Variants in EYA2 observed in about 807,000 individuals in gnomAD.
The protein encoded by EYA2 is EYA transcriptional coactivator and phosphatase 2.
Under a neutral mutation model 69.2 loss-of-function variants are expected in EYA2, and 31 were observed. The observed-to-expected ratio is 0.45, with a 90% confidence interval of 0.34 to 0.60. The LOEUF (loss-of-function observed/expected upper bound fraction) is 0.60, where lower values mean the gene tolerates loss of function less well. Among genes scored for constraint, EYA2 ranks in the 20% least tolerant of loss-of-function variants. The pLI is 0.02. For synonymous variants in EYA2, 257 were observed against 279.4 expected (o/e 0.92, Z 0.80); for missense variants, 622 against 701.2 (o/e 0.89, Z 1.28).
intron 7 of EYA2, 76 bp from the exon 8 acceptor site, chr20:47,089,163 T>C: frequency 6.4e-7 from 1 of 1,554,058 alleles, no homozygotes; most frequent in Non-Finnish European, 8.8e-7. Context: ...AGCTAGACGG[T>C]GCTGTTGGGA....
At chr20:47,004,905 T>G in intron 3 of EYA2, 37 bp from the exon 4 acceptor site, 1 of 1,614,076 alleles carries the variant, frequency 6.2e-7, no homozygotes, top group Middle Eastern at 1.7e-4. Context: ...GGTGCCAGAC[T>G]GGGCCTGGAG....
chr20:47,075,586 G>T (rs573011424), intron 7 of EYA2, among the ~76,000 whole-genome samples: 31 of 152,246 alleles, frequency 2.0e-4, no homozygotes, highest in African/African-American at 7.0e-4. Context: ...AGAACAGAAG[G>T]GCAGAGGCTT....
intron 9 of EYA2, among the ~76,000 whole-genome samples, chr20:47,140,171 G>A (rs1313259383): frequency 6.6e-6 from 1 of 152,152 alleles, no homozygotes; most frequent in Admixed American, 6.5e-5. Context: ...ATTGTGCAGA[G>A]GTGAAATGCT....
At chr20:46,898,916 A>G (rs73301796) in intron 1 of EYA2, among the ~76,000 whole-genome samples, 7,794 of 152,234 alleles carry the variant, frequency 0.051, 460 homozygotes, top group African/African-American at 0.14. Context: ...TTTTCATCCT[A>G]TTGAGTTCCT....
chr20:46,974,956 C>G (rs145930324), intron 1 of EYA2, among the ~76,000 whole-genome samples: 297 of 152,254 alleles, frequency 2.0e-3, no homozygotes, highest in African/African-American at 6.9e-3. Context: ...GACATCTGAA[C>G]TTGCATCATG....
intron 14 of EYA2, among the ~76,000 whole-genome samples, chr20:47,182,600 GCCTGGGCA>G (rs2034558230): frequency 7.6e-6 from 1 of 132,236 alleles, no homozygotes. Flanking sequence ...TTGCACTCCA[GCCTGGGCA>G]ACAAGAACGA....
intron 7 of EYA2, among the ~76,000 whole-genome samples, chr20:47,088,621 T>A (rs1176059957): frequency 6.6e-6 from 1 of 152,092 alleles, no homozygotes; most frequent in Non-Finnish European, 1.5e-5. Context: ...GAGGCCTCGC[T>A]CTGTTATCCA....
intron 3 of EYA2, among the ~76,000 whole-genome samples, chr20:47,003,951 T>C (rs889044409): frequency 1.1e-4 from 16 of 152,220 alleles, no homozygotes; most frequent in Non-Finnish European, 5.9e-5. Context: ...GATAAGAGCA[T>C]CCATGAGATA....
intron 9 of EYA2, among the ~76,000 whole-genome samples, chr20:47,109,012 G>A (rs2032674145): frequency 6.6e-6 from 1 of 152,104 alleles, no homozygotes; most frequent in African/African-American, 2.4e-5. Context: ...CTCCACCCAG[G>A]GAGTGGAGAT....
intron 9 of EYA2, among the ~76,000 whole-genome samples, chr20:47,118,891 G>GA (rs1384710291): frequency 1.3e-5 from 2 of 152,152 alleles, no homozygotes; most frequent in Non-Finnish European, 2.9e-5. Flanking sequence ...ACCTCTCAGT[G>GA]AATGCTGAAG....
Position 47,113,327 on chromosome 20 carries a change from G to T in EYA2, c.888+16159G>T, listed in dbSNP as rs74709731. Among the ~76,000 whole-genome samples the T allele has an allele frequency of 7.3e-3, 1,116 of 152,270 alleles. 16 individuals carry two copies. Among genetic ancestry groups the T allele is most frequent in the African/African-American group, 0.026 (1,075 of 41,508 alleles). On this transcript the variant is annotated intron_variant, in intron 9 of 15. Coordinates refer to ENST00000327619, the MANE Select transcript of EYA2 (RefSeq NM_005244.5). ...CAGGAGTGATGAGGTGGCACCTTTA[G>T]GCCTTACAGCTGCTGTTTCATCCTT...
intron 10 of EYA2, among the ~76,000 whole-genome samples, chr20:47,164,667 A>AG (rs1254003828): frequency 6.6e-6 from 1 of 152,116 alleles, no homozygotes; most frequent in Non-Finnish European, 1.5e-5. Flanking sequence ...TCACATGCCT[A>AG]GGGGGGTCAA....
intron 1 of EYA2, among the ~76,000 whole-genome samples, chr20:46,968,785 G>GC (rs1468365547): frequency 1.3e-5 from 2 of 151,536 alleles, no homozygotes; most frequent in Non-Finnish European, 2.9e-5. Flanking sequence ...ACCCCGCCGC[G>GC]CCCCCCACCG....
chr20:47,141,636 A>G (rs1425416869), intron 9 of EYA2, among the ~76,000 whole-genome samples: 3 of 152,200 alleles, frequency 2.0e-5, no homozygotes, highest in Non-Finnish European at 4.4e-5. Context: ...CATCATCTTT[A>G]TTCTGGAACC....
intron 10 of EYA2, among the ~76,000 whole-genome samples, chr20:47,156,858 GGCCCTGATGA>G (rs1236416858): frequency 6.6e-6 from 1 of 151,838 alleles, no homozygotes; most frequent in African/African-American, 2.4e-5. Flanking sequence ...AGTTCATCGG[GGCCCTGATGA>G]GCATCATTTT....
intron 5 of EYA2, among the ~76,000 whole-genome samples, chr20:47,057,522 C>CA (rs2030692858): frequency 6.7e-6 from 1 of 148,312 alleles, no homozygotes; most frequent in African/African-American, 2.6e-5. Flanking sequence ...CCCCCCCCCC[C>CA]ATCTCATACC....
intron 5 of EYA2, among the ~76,000 whole-genome samples, chr20:47,044,699 A>G (rs961307200): frequency 1.3e-5 from 2 of 152,184 alleles, no homozygotes; most frequent in African/African-American, 4.8e-5. Flanking sequence ...CTTAACTAAC[A>G]TTCTCTCATT....
intron 5 of EYA2, among the ~76,000 whole-genome samples, chr20:47,071,548 A>G (rs1180515673): frequency 2.0e-5 from 3 of 152,010 alleles, no homozygotes; most frequent in Admixed American, 2.0e-4. Flanking sequence ...AGCCTCCCAA[A>G]GCATTGGAAT....
intron 1 of EYA2, among the ~76,000 whole-genome samples, chr20:46,977,229 G>A (rs1980518001): frequency 6.6e-6 from 1 of 152,222 alleles, no homozygotes. Flanking sequence ...CATCTGGTAG[G>A]AGGTAGTGCC....
Sources: gnomAD v4.1 joint callset for allele counts (sites outside exome capture counted in the v4.1 genomes callset) on GRCh38, gnomAD v4.1.1 for gene constraint, MANE v1.5 for transcripts, NCBI Gene and HGNC (gene_info 2026-07-23, HGNC 2026-07-21) for gene names.